The following HS6ST2 variants were observed in gnomAD, a reference collection of about 807,000 sequenced individuals.
HS6ST2 encodes heparan sulfate 6-O-sulfotransferase 2, also known as heparan-sulfate 6-O-sulfotransferase 2.
In HS6ST2, 17 loss-of-function variants were observed where a neutral mutation model predicts 33.0. The ratio of observed to expected loss-of-function variants is 0.52; its 90% CI spans 0.35 to 0.77. HS6ST2 has a LOEUF of 0.77. Ranked by LOEUF, HS6ST2 falls within the 30% of genes least tolerant of loss-of-function variation. The pLI is 0.01. For synonymous variants in HS6ST2, 248 were observed against 237.1 expected (o/e 1.05, Z -0.42); for missense variants, 519 against 551.7 (o/e 0.94, Z 0.59).
At chrX:132,632,193 CAG>C (rs2063522932) in intron 4 of HS6ST2, among the ~76,000 whole-genome samples, 1 of 111,259 alleles carries the variant, frequency 9.0e-6, no homozygotes, top group Non-Finnish European at 1.9e-5. Context: ...ACAAAACCTG[CAG>C]AGATTCAGTG....
intron 2 of HS6ST2, among the ~76,000 whole-genome samples, chrX:132,866,239 C>A (rs1830641363): frequency 9.0e-6 from 1 of 111,600 alleles, no homozygotes; most frequent in East Asian, 2.8e-4. Context: ...AATAGGGAAT[C>A]CTTTCCCCAT....
intron 3 of HS6ST2, among the ~76,000 whole-genome samples, chrX:132,676,479 T>C (rs2063924480): frequency 8.9e-6 from 1 of 112,710 alleles, no homozygotes; most frequent in Non-Finnish European, 1.9e-5. Flanking sequence ...GTTTCCATTA[T>C]GAAAATTAGG....
In HS6ST2 at chrX:132,807,364, T is replaced by C. The variant is rs771603363; in HGVS notation, c.948-98870A>G. On this transcript the variant is annotated intron_variant, in intron 2 of 4. Coordinates refer to ENST00000370833, the MANE Select transcript of HS6ST2 (RefSeq NM_001394073.1). ...AGAGTTGAAACAACTTTCATTACGT[T>C]TTCAGCGAAGCCCTTAAAAAGCTTG... 1.9e-4 allele frequency among the ~76,000 whole-genome samples: 21 copies of C among 110,450 alleles called. No homozygotes were observed. The South Asian group carries it at 8.0e-3, about 42-fold the overall frequency.
At chrX:132,674,927 C>T (rs2063912409) in intron 3 of HS6ST2, among the ~76,000 whole-genome samples, 1 of 111,569 alleles carries the variant, frequency 9.0e-6, no homozygotes, top group South Asian at 3.8e-4. Flanking sequence ...GCTGGAATGG[C>T]AGTTATAGGG....
At chrX:132,773,005 G>A (rs1172532387) in intron 2 of HS6ST2, among the ~76,000 whole-genome samples, 1 of 84,709 alleles carries the variant, frequency 1.2e-5, no homozygotes, top group Non-Finnish European at 2.2e-5. Flanking sequence ...ATATATTTAT[G>A]TAAAGATATA....
In HS6ST2 at chrX:132,632,643, G is replaced by A. The variant is rs182881181; in HGVS notation, c.1068-3550C>T. ...GACAGGGATAAGACATGGAAACCCG[G>A]GGAAAGTGTTTCAATTGTGTGTGCC... On this transcript the variant is annotated intron_variant, in intron 4 of 4. Transcript: ENST00000370833. 2.7e-5 allele frequency among the ~76,000 whole-genome samples: 3 copies of A among 110,278 alleles called. No homozygotes were observed. In the Admixed American group the frequency reaches 2.9e-4, roughly 11 times the overall value.
At chrX:132,731,296 A>G (rs1410776374) in intron 2 of HS6ST2, among the ~76,000 whole-genome samples, 1 of 111,436 alleles carries the variant, frequency 9.0e-6, no homozygotes, top group Non-Finnish European at 1.9e-5. Context: ...CATCCTCTTC[A>G]TTTCACATTC....
chrX:132,796,264 T>C (rs2065178064), intron 2 of HS6ST2, among the ~76,000 whole-genome samples: 1 of 111,950 alleles, frequency 8.9e-6, no homozygotes, highest in African/African-American at 3.2e-5. Flanking sequence ...ATCTAACTTG[T>C]TTCTGTTCTC....
intron 2 of HS6ST2, among the ~76,000 whole-genome samples, chrX:132,905,123 A>G (rs987531892): frequency 5.4e-5 from 6 of 111,571 alleles, no homozygotes; most frequent in African/African-American, 2.0e-4. Context: ...ATTCCAGATA[A>G]CCAACAAACA....
rs141580945 is a variant in HS6ST2, at chrX:132,703,716, A to C, written c.980+4746T>G. The stretch of plus-strand genomic sequence containing the variant: ...ACTGGCAAGCCAACTTGAAATGTAA[A>C]ACCCCAAAGCAATTCAATATTTACT... On this transcript the variant is annotated intron_variant, in intron 3 of 4. Transcript: ENST00000370833. Among the ~76,000 whole-genome samples the C allele has an allele frequency of 5.9e-3, 660 of 112,286 alleles. 17 individuals carry two copies. In the East Asian group the frequency reaches 0.091, roughly 16 times the overall value.
intron 3 of HS6ST2, among the ~76,000 whole-genome samples, chrX:132,693,919 C>T (rs2064085177): frequency 1.8e-5 from 2 of 112,248 alleles, no homozygotes; most frequent in Admixed American, 9.5e-5. Flanking sequence ...CCCGTCAATA[C>T]TCAGGGAATG....
At chrX:132,767,489 T>C (rs1218034610) in intron 2 of HS6ST2, among the ~76,000 whole-genome samples, 1 of 112,146 alleles carries the variant, frequency 8.9e-6, no homozygotes, top group African/African-American at 3.2e-5. Context: ...ATTTCCAAGG[T>C]GTTTGCGAGG....
At chrX:132,761,729 T>C (rs748482755) in intron 2 of HS6ST2, among the ~76,000 whole-genome samples, 6 of 112,006 alleles carry the variant, frequency 5.4e-5, no homozygotes, top group Non-Finnish European at 1.1e-4. Flanking sequence ...GTCACAGCCT[T>C]TGGAGACAGT....
intron 3 of HS6ST2, among the ~76,000 whole-genome samples, chrX:132,694,135 C>T (rs2064086591): frequency 9.0e-6 from 1 of 111,571 alleles, no homozygotes; most frequent in Admixed American, 9.6e-5. Flanking sequence ...ATGAATGAGA[C>T]AACAGCACCA....
chrX:132,815,230 C>T (rs745671233), intron 2 of HS6ST2, among the ~76,000 whole-genome samples: 9 of 112,066 alleles, frequency 8.0e-5, no homozygotes, highest in Non-Finnish European at 1.5e-4. Context: ...TAGGACATTA[C>T]GAAATGTTTT....
intron 2 of HS6ST2, among the ~76,000 whole-genome samples, chrX:132,933,901 C>A (rs2066798913): frequency 9.0e-6 from 1 of 110,936 alleles, no homozygotes; most frequent in African/African-American, 3.3e-5. Context: ...AAGACATTCA[C>A]AGAAAACAAA....
At chrX:132,811,538 T>C (rs2065343869) in intron 2 of HS6ST2, among the ~76,000 whole-genome samples, 1 of 106,463 alleles carries the variant, frequency 9.4e-6, no homozygotes, top group Non-Finnish European at 1.9e-5. Context: ...ATGACTACTC[T>C]AGGTACTTCA....
At chrX:132,846,140 G>A (rs2065748570) in intron 2 of HS6ST2, among the ~76,000 whole-genome samples, 1 of 112,241 alleles carries the variant, frequency 8.9e-6, no homozygotes, top group Admixed American at 9.4e-5. Context: ...TCTTTTGACT[G>A]TTTCCTACCA....
At chrX:132,891,280 G>A (rs1270702465) in intron 2 of HS6ST2, among the ~76,000 whole-genome samples, 1 of 105,439 alleles carries the variant, frequency 9.5e-6, no homozygotes, top group Non-Finnish European at 1.9e-5. Context: ...TCATCATCTG[G>A]ATGATACTGT....
Sources: allele counts gnomAD v4.1 joint callset (sites outside exome capture counted in the v4.1 genomes callset), GRCh38; gene constraint gnomAD v4.1.1; transcripts MANE v1.5; gene names NCBI Gene and HGNC (gene_info 2026-07-23, HGNC 2026-07-21).